Variants in SPAG16 observed in about 807,000 individuals in gnomAD.
The protein encoded by SPAG16 is sperm associated antigen 16.
SPAG16 carries 86 observed loss-of-function variants against 80.4 expected under a neutral mutation model. That is an observed-to-expected ratio of 1.07 (90% CI 0.90 to 1.28). The LOEUF (loss-of-function observed/expected upper bound fraction) is 1.28. Among genes scored for constraint, SPAG16 ranks in the 50% most tolerant of loss-of-function variants. The pLI is 0.00. For synonymous variants in SPAG16, 294 were observed against 265.9 expected (o/e 1.11, Z -1.03); for missense variants, 870 against 765.3 (o/e 1.14, Z -1.61).
chr2:213,667,376 T>G (rs894010742), intron 10 of SPAG16, among the ~76,000 whole-genome samples: 2 of 152,196 alleles, frequency 1.3e-5, no homozygotes, highest in African/African-American at 4.8e-5. Context: ...AAGCGGGTTC[T>G]TGCACCCACT....
At chr2:213,549,783 A>T (rs1305324122) in intron 10 of SPAG16, among the ~76,000 whole-genome samples, 2 of 152,162 alleles carry the variant, frequency 1.3e-5, no homozygotes. Flanking sequence ...AAACCTCATC[A>T]GTTAAATATT....
chr2:213,702,572 C>T (rs2065509591), intron 10 of SPAG16, among the ~76,000 whole-genome samples: 1 of 152,140 alleles, frequency 6.6e-6, no homozygotes, highest in African/African-American at 2.4e-5. Flanking sequence ...AAGAACCCAC[C>T]AGTTCCGGAC....
At chr2:213,638,249 T>C (rs2062447248) in intron 10 of SPAG16, among the ~76,000 whole-genome samples, 1 of 152,174 alleles carries the variant, frequency 6.6e-6, no homozygotes. Flanking sequence ...CTTTTAGTTC[T>C]GCTCTGATCT....
intron 10 of SPAG16, among the ~76,000 whole-genome samples, chr2:213,842,036 G>A (rs1055181616): frequency 2.0e-5 from 3 of 152,052 alleles, no homozygotes; most frequent in African/African-American, 7.2e-5. Flanking sequence ...TTGTGAAACA[G>A]GTGTGCATCA....
chr2:213,907,388 T>C lies in SPAG16; in HGVS notation c.1215-22572T>C, dbSNP rs371735135. 3.6e-4 allele frequency among the ~76,000 whole-genome samples: 54 copies of C among 151,496 alleles called. 5 individuals carry two copies. The South Asian group carries it at 9.6e-3, about 27-fold the overall frequency. ...AAAGAGAACAAAATAAAAATGCTGG[T>C]GAGAATGCAGAGAAAAGGAAATTTA... On this transcript the variant is annotated intron_variant, in intron 11 of 15. Coordinates refer to ENST00000331683, the MANE Select transcript of SPAG16 (RefSeq NM_024532.5).
At chr2:213,982,329 A>G (rs950195240) in intron 12 of SPAG16, among the ~76,000 whole-genome samples, 1 of 152,054 alleles carries the variant, frequency 6.6e-6, no homozygotes, top group Non-Finnish European at 1.5e-5. Context: ...TTTGCTCTCA[A>G]AACAACTCTG....
In SPAG16 at chr2:213,694,042, CA is replaced by C. The variant is rs68152101; in HGVS notation, c.1071-168431del. ...TCATTCTTTGGTGCTTTATGCAAGACAAAAAAAAAAAAGAAAAAAGAGAGGG... is the reference window on the plus strand; with the variant it reads ...TCATTCTTTGGTGCTTTATGCAAGACAAAAAAAAAAAGAAAAAAGAGAGGG... On this transcript the variant is annotated intron_variant, in intron 10 of 15. Transcript: ENST00000331683. Among the ~76,000 whole-genome samples the C allele has an allele frequency of 2.0e-3, 245 of 121,190 alleles. 1 individual carries two copies. The South Asian group carries it at 0.022, about 11-fold the overall frequency. 79.5% of individuals were successfully genotyped at this position (121,190 alleles called of 152,430 possible).
intron 14 of SPAG16, among the ~76,000 whole-genome samples, chr2:214,125,828 C>G (rs946051153): frequency 6.6e-6 from 1 of 151,358 alleles, no homozygotes; most frequent in Admixed American, 6.7e-5. Context: ...GACATGGGAG[C>G]CTTCAGGAAT....
At chr2:213,496,029 T>G (rs1252457883) in intron 10 of SPAG16, among the ~76,000 whole-genome samples, 1 of 152,182 alleles carries the variant, frequency 6.6e-6, no homozygotes, top group Non-Finnish European at 1.5e-5. Context: ...TAGAGGATTT[T>G]GAACAGAAGA....
At chr2:213,772,709 AGTTT>A (rs1156420552) in intron 10 of SPAG16, among the ~76,000 whole-genome samples, 1 of 151,812 alleles carries the variant, frequency 6.6e-6, no homozygotes, top group South Asian at 2.1e-4. Flanking sequence ...TTTCTTATCA[AGTTT>A]GTTTGGGCTA....
rs186601585 is a variant in SPAG16 at position 214,051,757 on chromosome 2, C to T, written c.1527+37680C>T. Among the ~76,000 whole-genome samples, 188 of 152,254 alleles carry T rather than the reference C, an allele frequency of 1.2e-3. 2 individuals are homozygous for T. The highest frequency in any genetic ancestry group is 4.3e-3 in the African/African-American group (180 of 41,566). ...GACATACCCATGAGAAATCTGCCTTCCAGGTCTGACAGGTGACACCTTTGC... is the reference window on the plus strand; with the variant it reads ...GACATACCCATGAGAAATCTGCCTTTCAGGTCTGACAGGTGACACCTTTGC... On this transcript the variant is annotated intron_variant, in intron 13 of 15. Transcript: ENST00000331683.
chr2:213,858,352 T>TG (rs2075268184), intron 10 of SPAG16, among the ~76,000 whole-genome samples: 1 of 152,156 alleles, frequency 6.6e-6, no homozygotes, highest in South Asian at 2.1e-4. Flanking sequence ...ACCACAACTC[T>TG]GATTGGTCAG....
chr2:213,838,194 CAG>C (rs2074191982), intron 10 of SPAG16, among the ~76,000 whole-genome samples: 1 of 151,510 alleles, frequency 6.6e-6, no homozygotes, highest in African/African-American at 2.4e-5. Flanking sequence ...TTTTTTGAGA[CAG>C]AGCCTCAGTC....
intron 15 of SPAG16, among the ~76,000 whole-genome samples, chr2:214,257,328 C>A (rs1198076882): frequency 6.6e-6 from 1 of 151,900 alleles, no homozygotes; most frequent in African/African-American, 2.4e-5. Flanking sequence ...ATGGTATCTG[C>A]AAGCAGAATT....
intron 10 of SPAG16, among the ~76,000 whole-genome samples, chr2:213,762,901 C>T (rs1477868178): frequency 1.3e-5 from 2 of 152,032 alleles, no homozygotes; most frequent in Non-Finnish European, 2.9e-5. Context: ...AGGGGTCAAT[C>T]TTTAAAATAT....
At chr2:214,121,659 A>G (rs1429036535) in intron 14 of SPAG16, among the ~76,000 whole-genome samples, 2 of 151,868 alleles carry the variant, frequency 1.3e-5, no homozygotes, top group Non-Finnish European at 3.0e-5. Flanking sequence ...AAGTCTGAAC[A>G]TCTCTAATCC....
chr2:213,843,633 C>CT (rs1424469213), intron 10 of SPAG16, among the ~76,000 whole-genome samples: 1 of 152,168 alleles, frequency 6.6e-6, no homozygotes, highest in Non-Finnish European at 1.5e-5. Context: ...GGTCGATCAC[C>CT]TGAGGCCAGA....
At chr2:213,837,090 A>C (rs1237505656) in intron 10 of SPAG16, among the ~76,000 whole-genome samples, 1 of 152,184 alleles carries the variant, frequency 6.6e-6, no homozygotes, top group Non-Finnish European at 1.5e-5. Context: ...GCCACCATCA[A>C]TTCTTTTCTT....
chr2:214,041,976 GTGTA>G (rs2049040286), intron 13 of SPAG16, among the ~76,000 whole-genome samples: 13 of 88,248 alleles, frequency 1.5e-4, no homozygotes, highest in African/African-American at 5.4e-4. Flanking sequence ...GTGTCTGTGT[GTGTA>G]TATATATATA....
Sources: gnomAD v4.1 joint callset for allele counts (sites outside exome capture counted in the v4.1 genomes callset) on GRCh38, gnomAD v4.1.1 for gene constraint, MANE v1.5 for transcripts, NCBI Gene and HGNC (gene_info 2026-07-23, HGNC 2026-07-21) for gene names.